The following PRKG1 variants were observed in gnomAD, a reference collection of about 807,000 sequenced individuals.
PRKG1 encodes the protein protein kinase cGMP-dependent 1.
PRKG1 carries 35 observed loss-of-function variants against 88.1 expected under a neutral mutation model. That is an observed-to-expected ratio of 0.40 (90% CI 0.30 to 0.53). PRKG1 has a LOEUF of 0.53. PRKG1 is among the 20% of genes least tolerant of loss of function. The probability of loss-of-function intolerance (pLI) is 0.59; values close to 1 mark genes in which losing one functional copy is unlikely to be tolerated. For missense variants in PRKG1, 540 were observed against 839.8 expected (o/e 0.64, Z 4.41); for synonymous variants, 303 against 292.5 (o/e 1.04, Z -0.37).
intron 3 of PRKG1, among the ~76,000 whole-genome samples, chr10:51,627,756 A>T (rs187745192): frequency 5.9e-5 from 9 of 152,254 alleles, no homozygotes; most frequent in African/African-American, 2.2e-4. Context: ...CTGAGACTTG[A>T]AAGTGCTTGG....
intron 2 of PRKG1, among the ~76,000 whole-genome samples, chr10:51,418,980 T>C (rs1302703969): frequency 6.6e-6 from 1 of 152,196 alleles, no homozygotes; most frequent in Non-Finnish European, 1.5e-5. Context: ...AATATTTTTT[T>C]CAGTATTCAA....
At chr10:51,665,071 A>C (rs1165033841) in intron 3 of PRKG1, among the ~76,000 whole-genome samples, 1 of 152,148 alleles carries the variant, frequency 6.6e-6, no homozygotes, top group East Asian at 1.9e-4. Flanking sequence ...TTCTGAGTAC[A>C]AATCTCTTAC....
At position 51,509,110 on chromosome 10, in the gene PRKG1, A is replaced by T. The variant is rs193295800; in HGVS notation, c.592+41274A>T. 2.3e-3 allele frequency among the ~76,000 whole-genome samples: 353 copies of T among 152,328 alleles called. 1 individual carries two copies. Among genetic ancestry groups the T allele is most frequent in the African/African-American group, 8.0e-3 (333 of 41,582 alleles). ...TAATGTTACAGCTGGTGACTCCTTA[A>T]CAACATTGTAATGATTTGAATAGTT... On this transcript the variant is annotated intron_variant, in intron 3 of 17. Transcript: ENST00000373980.
rs146815546 is a variant in PRKG1, at chr10:51,297,395, G to A, written c.478+144065G>A. On this transcript the variant is annotated intron_variant, in intron 2 of 17. Coordinates refer to ENST00000373980, the MANE Select transcript of PRKG1 (RefSeq NM_006258.4). ...AAAATGCTGCTTTAACTGCTAAGTC[G>A]CCATCTGTTACCAGCTCTTTGCTAC... 2.3e-4 allele frequency among the ~76,000 whole-genome samples: 35 copies of A among 152,124 alleles called. No homozygotes were observed. The East Asian group carries it at 4.1e-3, about 18-fold the overall frequency.
intron 3 of PRKG1, among the ~76,000 whole-genome samples, chr10:51,706,165 G>A (rs1841599007): frequency 3.3e-5 from 5 of 152,180 alleles, no homozygotes; most frequent in Admixed American, 3.3e-4. Flanking sequence ...GTTAGTTAAA[G>A]CATGCATTTT....
intron 2 of PRKG1, among the ~76,000 whole-genome samples, chr10:51,421,377 C>T (rs911069166): frequency 3.9e-5 from 6 of 152,048 alleles, no homozygotes; most frequent in African/African-American, 1.2e-4. Context: ...TGTTATCTTG[C>T]TATGTTGGCC....
At chr10:51,161,790 G>A (rs1846370067) in intron 2 of PRKG1, among the ~76,000 whole-genome samples, 1 of 151,986 alleles carries the variant, frequency 6.6e-6, no homozygotes, top group Non-Finnish European at 1.5e-5. Flanking sequence ...ATGGCAGATT[G>A]GAAACTTTAA....
In PRKG1 at chr10:51,971,115, C is replaced by T. The variant is rs142902732; in HGVS notation, c.762+63545C>T. Among the ~76,000 whole-genome samples, 726 of 151,812 alleles carry T rather than the reference C, an allele frequency of 4.8e-3. 5 individuals are homozygous for T. The highest frequency in any genetic ancestry group is 0.015 in the African/African-American group (641 of 41,458). The stretch of plus-strand genomic sequence containing the variant: ...AGAGTATTTGGCTGAAAACAAGCAA[C>T]GTGAATGAATCCATAGCATTAGATG... On this transcript the variant is annotated intron_variant, in intron 5 of 17. Transcript: ENST00000373980.
chr10:51,002,428 T>A (rs1048512886), intron 1 of PRKG1, among the ~76,000 whole-genome samples: 9 of 152,158 alleles, frequency 5.9e-5, no homozygotes, highest in Non-Finnish European at 1.2e-4. Flanking sequence ...CAAGTTAATA[T>A]GATTATTTAT....
intron 9 of PRKG1, among the ~76,000 whole-genome samples, chr10:52,172,155 G>A (rs114380068): frequency 0.015 from 2,301 of 152,288 alleles, 43 homozygotes; most frequent in African/African-American, 0.052. Flanking sequence ...GCTCTGCAGC[G>A]CTTATCTTTG....
At chr10:51,769,291 C>A (rs1417531001) in intron 3 of PRKG1, among the ~76,000 whole-genome samples, 2 of 152,070 alleles carry the variant, frequency 1.3e-5, no homozygotes, top group Non-Finnish European at 2.9e-5. Flanking sequence ...AGACAGATGG[C>A]AGAATCAATT....
intron 7 of PRKG1, among the ~76,000 whole-genome samples, chr10:52,087,493 C>A (rs1422332147): frequency 2.0e-5 from 3 of 152,050 alleles, no homozygotes; most frequent in Admixed American, 2.0e-4. Flanking sequence ...TCCTCATGCA[C>A]AAATTTGTTT....
chr10:51,081,919 G>C (rs1204858541), intron 1 of PRKG1, among the ~76,000 whole-genome samples: 1 of 152,128 alleles, frequency 6.6e-6, no homozygotes, highest in Non-Finnish European at 1.5e-5. Flanking sequence ...ACCACACCTG[G>C]ATAATTTTTA....
intron 5 of PRKG1, among the ~76,000 whole-genome samples, chr10:51,931,066 T>C (rs544212269): frequency 1.1e-4 from 16 of 152,304 alleles, no homozygotes; most frequent in African/African-American, 3.8e-4. Context: ...TAACATCGTA[T>C]AAATTTGTGT....
intron 2 of PRKG1, among the ~76,000 whole-genome samples, chr10:51,372,888 C>G (rs1273621655): frequency 1.3e-5 from 2 of 152,052 alleles, no homozygotes; most frequent in African/African-American, 4.8e-5. Context: ...CCAACTTGTT[C>G]ATAATGTATT....
intron 3 of PRKG1, among the ~76,000 whole-genome samples, chr10:51,759,711 A>G (rs1398110251): frequency 6.6e-6 from 1 of 152,152 alleles, no homozygotes; most frequent in African/African-American, 2.4e-5. Context: ...CAGTATGTAA[A>G]GAAGTGGGAA....
chr10:51,742,343 A>G (rs541002689), intron 3 of PRKG1, among the ~76,000 whole-genome samples: 1 of 152,208 alleles, frequency 6.6e-6, no homozygotes, highest in Admixed American at 6.5e-5. Flanking sequence ...TACTGTAGTA[A>G]TAATGTAGAA....
intron 4 of PRKG1, among the ~76,000 whole-genome samples, chr10:51,812,058 C>A (rs918675462): frequency 2.0e-5 from 3 of 152,148 alleles, no homozygotes; most frequent in African/African-American, 7.2e-5. Flanking sequence ...TAGGTTGGTG[C>A]AAGAGTAATT....
intron 8 of PRKG1, among the ~76,000 whole-genome samples, chr10:52,145,578 G>A (rs532822057): frequency 1.3e-5 from 2 of 152,244 alleles, no homozygotes; most frequent in East Asian, 1.9e-4. Flanking sequence ...GAGGGCACCA[G>A]GATTTATTTC....
Sources: gnomAD v4.1 joint callset for allele counts (sites outside exome capture counted in the v4.1 genomes callset) on GRCh38, gnomAD v4.1.1 for gene constraint, MANE v1.5 for transcripts, NCBI Gene and HGNC (gene_info 2026-07-23, HGNC 2026-07-21) for gene names.